Variants in GPR153 observed in about 807,000 individuals in gnomAD.
GPR153 encodes the protein probable G protein-coupled receptor 153.
In GPR153, 27 loss-of-function variants were observed where a neutral mutation model predicts 34.1. The observed-to-expected ratio is 0.79, with a 90% CI of 0.58 to 1.09. The LOEUF is 1.09. GPR153 is among the 50% of genes least tolerant of loss of function. GPR153 has a pLI of 0.00. For missense variants in GPR153, 848 were observed against 860.2 expected (o/e 0.99, Z 0.18); for synonymous variants, 408 against 405.4 (o/e 1.01, Z -0.08).
chr1:6,254,684 G>A lies in GPR153; in HGVS notation c.222C>T (p.Pro74=), dbSNP rs1296615506. ...YSVVQLRRQR[P]DFEWNEGLCK... is the part of the protein sequence containing the mutation. Reference sequence around the variant, plus strand: ...AGAGACCCTCATTCCACTCGAAGTCGGGGCGCTGCCGCCGCAGCTGCACCA... The same window carrying A: ...AGAGACCCTCATTCCACTCGAAGTCAGGGCGCTGCCGCCGCAGCTGCACCA... Residue 74 remains proline (P), a synonymous_variant, in exon 2 of 6, where the codon CCC becomes CCT. Transcript: ENST00000377893. 1.5e-5 allele frequency: 25 copies of A among 1,613,816 alleles called. No homozygotes were observed. Among genetic ancestry groups the A allele is most frequent in the Middle Eastern group, 3.3e-4 (2 of 6,082 alleles).
intron 1 of GPR153, among the ~76,000 whole-genome samples, chr1:6,256,855 C>T (rs1638578505): frequency 6.6e-6 from 1 of 152,212 alleles, no homozygotes; most frequent in Non-Finnish European, 1.5e-5. Context: ...TGTGTTACAA[C>T]AGCACAAATG....
chr1:6,255,064 C>T (rs959744389), intron 1 of GPR153, 50 bp from the exon 2 acceptor site: 5 of 542,794 alleles, frequency 9.2e-6, no homozygotes, highest in Admixed American at 7.1e-5. Context: ...CTGGCGACAG[C>T]GTTGTAGCCC....
chr1:6,253,826 C>T lies in GPR153; in HGVS notation c.678G>A (p.Arg226=). 1 of 1,594,342 alleles carries T rather than the reference C, an allele frequency of 6.3e-7. No individual in the cohort carries two copies. The highest frequency in any genetic ancestry group is 8.6e-7 in the Non-Finnish European group (1 of 1,167,660). Residue 226 remains arginine (R), a synonymous_variant, in exon 3 of 6, where the codon CGG becomes CGA. Coordinates refer to ENST00000377893, the MANE Select transcript of GPR153 (RefSeq NM_207370.4). The part of the protein sequence containing the change: ...TIVVEDAQGK[R]RSSIDGSEPA... ...GCTCCGAGCCATCGATGGAGGAGCG[C>T]CGCTTGCCCTGCGCGTCCTCCACCA...
intron 2 of GPR153, 147 bp from the exon 3 acceptor site, chr1:6,254,294 C>A: frequency 1.3e-6 from 1 of 762,382 alleles, no homozygotes; most frequent in Non-Finnish European, 2.1e-6. Flanking sequence ...GTGGCAGGGC[C>A]TTGTTCCTTG....
In GPR153 at chr1:6,254,793, T is replaced by G. The variant is rs750393975; in HGVS notation, c.113A>C (p.Lys38Thr). 8 of 1,613,448 alleles carry G rather than the reference T, an allele frequency of 5.0e-6. No homozygotes were observed. Among genetic ancestry groups the G allele is most frequent in the Non-Finnish European group, 5.1e-6 (6 of 1,179,832 alleles). Residue 38 changes from lysine (K) to threonine (T), a missense_variant, in exon 2 of 6, where the codon AAG becomes ACG. Lys to Thr is a moderately conservative substitution (Grantham distance 78). Coordinates refer to ENST00000377893, the MANE Select transcript of GPR153 (RefSeq NM_207370.4). ...GILSVGAKQKKWKPLEFLLCT... is the reference protein window; with the variant it reads ...GILSVGAKQKTWKPLEFLLCT... Reference sequence around the variant, plus strand: ...CAGCAGGAACTCCAAGGGCTTCCACTTCTTCTGCTTGGCGCCAACGCTGAG... The same window carrying G: ...CAGCAGGAACTCCAAGGGCTTCCACGTCTTCTGCTTGGCGCCAACGCTGAG...
chr1:6,249,275 T>C lies in GPR153; in HGVS notation c.*63A>G. The C allele has an allele frequency of 1.7e-6, 2 of 1,161,628 alleles. No individual in the cohort carries two copies. The highest frequency in any genetic ancestry group is 2.2e-6 in the Non-Finnish European group (2 of 922,356). 72.0% of individuals were successfully genotyped at this position (1,161,628 alleles called of 1,614,324 possible). A position where few individuals can be genotyped will look rare whatever the true frequency, so the allele number is the denominator to read the frequency against. On this transcript the variant is annotated 3_prime_UTR_variant, in exon 6 of 6. Transcript: ENST00000377893. This position sits in a 1 kb window ranked among gnomAD's most constrained non-coding sequence, Gnocchi z 4.3. ...CGCGCGGGGCGGAGGCGGGCGTCTT[T>C]GGTGCTGCGGCCCCGGAGAGCGGCC...
chr1:6,250,019 T>C lies in GPR153; in HGVS notation c.1165-16A>G. The C allele has an allele frequency of 8.0e-7, 1 of 1,256,458 alleles. No homozygotes were observed. Among genetic ancestry groups the C allele is most frequent in the South Asian group, 3.7e-5 (1 of 26,976 alleles). The allele number at this position is 1,256,458 out of a possible 1,614,324, so 77.8% of individuals were successfully genotyped here. On this transcript the variant is annotated splice_polypyrimidine_tract_variant and intron_variant, in intron 5 of 5. Transcript: ENST00000377893. ...TGGGCGGGACCTGTCAGGACGCGGC[T>C]GGCTTTTACCCCGAGCTGCCCTCCT...
rs1638379468 is a variant in GPR153 at position 6,249,397 on chromosome 1, G to C, written c.1771C>G (p.Pro591Ala). The change falls in exon 6 of 6, where the codon CCC (proline) becomes GCC (alanine). Residue 591 changes from proline (P) to alanine (A), a missense_variant. Physicochemically the swap from Pro to Ala is conservative, Grantham distance 27. Coordinates refer to ENST00000377893, the MANE Select transcript of GPR153 (RefSeq NM_207370.4). The surrounding 1 kb of genome is among the most constrained non-coding windows in gnomAD (Gnocchi z 4.3). Reference sequence around the variant, plus strand: ...GTGGCGTAGCCCGAGGACTCGGAGGGGGAACTCAGGAAGCTGCTGGTGCTG... The same window carrying C: ...GTGGCGTAGCCCGAGGACTCGGAGGCGGAACTCAGGAAGCTGCTGGTGCTG... ...GGSTSSFLSS[P>A]SESSGYATLH... 8.0e-6 allele frequency: 11 copies of C among 1,380,342 alleles called. No individual in the cohort carries two copies. Among genetic ancestry groups the C allele is most frequent in the Non-Finnish European group, 1.0e-5 (11 of 1,072,454 alleles). 85.5% of individuals were successfully genotyped at this position (1,380,342 alleles called of 1,614,324 possible).
intron 5 of GPR153, 168 bp downstream of exon 5, chr1:6,250,272 G>A: frequency 3.0e-6 from 3 of 985,422 alleles, no homozygotes; most frequent in Non-Finnish European, 2.4e-6. Flanking sequence ...TGGCGGTTGG[G>A]GCCCACCCAC....
Position 6,249,601 on chromosome 1 carries a change from G to C in GPR153, c.1567C>G (p.Pro523Ala). ...QALRRPPGPF[P>A]AAPAAPDGAD... ...CCGTCGGGGGCGGCGGGCGCAGCGG[G>C]GAAGGGCCCGGGCGGGCGGCGCAGG... The change falls in exon 6 of 6, where the codon CCC (proline) becomes GCC (alanine). Residue 523 changes from proline to alanine, a missense_variant. Pro to Ala is a conservative substitution (Grantham distance 27, BLOSUM62 -1). Transcript: ENST00000377893. The surrounding 1 kb of genome is among the most constrained non-coding windows in gnomAD (Gnocchi z 4.3). 1 of 1,145,892 alleles carries C rather than the reference G, an allele frequency of 8.7e-7. No homozygotes were observed. The highest frequency in any genetic ancestry group is 1.1e-6 in the Non-Finnish European group (1 of 933,572). 71.0% of individuals were successfully genotyped at this position (1,145,892 alleles called of 1,614,324 possible).
rs1223320151 is a variant in GPR153 at position 6,249,866 on chromosome 1, C to T, written c.1302G>A (p.Glu434=). The stretch of plus-strand genomic sequence containing the variant: ...AGGCCAGGAGGCTGGCGCGGCGCCG[C>T]TCGGGCCCGGCAGGCAGCACCAGGT... ...LAHLVLPAGP[E]RRRASLLAFA... Residue 434 remains glutamate (E), a synonymous_variant, in exon 6 of 6, where the codon GAG becomes GAA. Coordinates refer to ENST00000377893, the MANE Select transcript of GPR153 (RefSeq NM_207370.4). The surrounding 1 kb of genome is among the most constrained non-coding windows in gnomAD (Gnocchi z 4.3). The T allele has an allele frequency of 3.9e-6, 5 of 1,275,000 alleles. No homozygotes were observed. The highest frequency in any genetic ancestry group is 4.1e-5 in the Admixed American group (1 of 24,248). The allele number at this position is 1,275,000 out of a possible 1,614,324, so 79.0% of individuals were successfully genotyped here.
chr1:6,260,194 G>C (rs189918433), intron 1 of GPR153, among the ~76,000 whole-genome samples: 1 of 152,238 alleles, frequency 6.6e-6, no homozygotes, highest in African/African-American at 2.4e-5. Context: ...AGGATTCCCC[G>C]GGCTCTGGCT....
intron 3 of GPR153, among the ~76,000 whole-genome samples, chr1:6,252,367 G>C (rs556189266): frequency 6.6e-6 from 1 of 152,288 alleles, no homozygotes; most frequent in South Asian, 2.1e-4. Context: ...CCGTCCGTAA[G>C]AGACGCAGGG....
rs148280916 is a variant in GPR153, at chr1:6,254,120, C to T, written c.384G>A (p.Val128=). 6.6e-5 allele frequency: 107 copies of T among 1,611,544 alleles called. No individual in the cohort carries two copies. The highest frequency in any genetic ancestry group is 8.3e-5 in the Non-Finnish European group (98 of 1,178,326). Residue 128 remains valine (V), a synonymous_variant, in exon 3 of 6, where the codon GTG becomes GTA. Transcript: ENST00000377893. ...CCATCCAGATACCCATGACTGTGTGCACCGCCTGCTTCTTGGCATTGCTCA... is the reference window on the plus strand; with the variant it reads ...CCATCCAGATACCCATGACTGTGTGTACCGCCTGCTTCTTGGCATTGCTCA... ...YRLSNAKKQA[V]HTVMGIWMVS... is the part of the protein sequence containing the mutation.
Position 6,251,239 on chromosome 1 carries a change from A to G in GPR153, c.979+99T>C. On this transcript the variant is annotated intron_variant, in intron 4 of 5. Coordinates refer to ENST00000377893, the MANE Select transcript of GPR153 (RefSeq NM_207370.4). This position sits in a 1 kb window ranked among gnomAD's most constrained non-coding sequence, Gnocchi z 4.9. ...GTGTCTGGTGGTTGAGAATGAAGTC[A>G]CCTCCTTAGTGGCGTTGCCTGACAG... 1.1e-6 allele frequency: 1 copy of G among 909,698 alleles called. No homozygotes were observed. The highest frequency in any genetic ancestry group is 1.7e-6 in the Non-Finnish European group (1 of 586,538). The allele number at this position is 909,698 out of a possible 1,614,324, so 56.4% of individuals were successfully genotyped here.
chr1:6,249,615 G>C lies in GPR153; in HGVS notation c.1553C>G (p.Pro518Arg). 8.9e-7 allele frequency: 1 copy of C among 1,118,098 alleles called. No individual in the cohort carries two copies. Among genetic ancestry groups the C allele is most frequent in the Non-Finnish European group, 1.1e-6 (1 of 916,088 alleles). The allele number at this position is 1,118,098 out of a possible 1,614,324, so 69.3% of individuals were successfully genotyped here. A position where few individuals can be genotyped will look rare whatever the true frequency, so the allele number is the denominator to read the frequency against. ...FECEPQALRR[P>R]PGPFPAAPAA... is the part of the protein sequence containing the mutation. ...GGGCGCAGCGGGGAAGGGCCCGGGC[G>C]GGCGGCGCAGGGCCTGTGGCTCGCA... Residue 518 changes from proline (P) to arginine (R), a missense_variant, in exon 6 of 6, where the codon CCG becomes CGG. By Grantham distance (103) the Pro-to-Arg change is moderately radical. Coordinates refer to ENST00000377893, the MANE Select transcript of GPR153 (RefSeq NM_207370.4). The surrounding 1 kb of genome is among the most constrained non-coding windows in gnomAD (Gnocchi z 4.3).
chr1:6,256,942 C>T (rs893044841), intron 1 of GPR153, among the ~76,000 whole-genome samples: 2 of 152,230 alleles, frequency 1.3e-5, no homozygotes, highest in Non-Finnish European at 1.5e-5. Flanking sequence ...CTCCTCTCCA[C>T]GCCCCGGGAG....
In GPR153 at chr1:6,254,699, C is replaced by T. The variant is rs1188276704; in HGVS notation, c.207G>A (p.Leu69=). ...VPIATYSVVQ[L]RRQRPDFEWN... ...ACTCGAAGTCGGGGCGCTGCCGCCG[C>T]AGCTGCACCACGGAGTAGGTGGCGA... The change falls in exon 2 of 6, where the codon CTG becomes CTA. Residue 69 remains leucine, a synonymous_variant. Coordinates refer to ENST00000377893, the MANE Select transcript of GPR153 (RefSeq NM_207370.4). 1 of 1,613,930 alleles carries T rather than the reference C, an allele frequency of 6.2e-7. No homozygotes were observed. The highest frequency in any genetic ancestry group is 8.5e-7 in the Non-Finnish European group (1 of 1,179,946).
chr1:6,260,357 CAACCCCCTGGGGCTCCGAT>C (rs1638644315), intron 1 of GPR153, among the ~76,000 whole-genome samples: 1 of 135,692 alleles, frequency 7.4e-6, no homozygotes, highest in Non-Finnish European at 1.6e-5. Flanking sequence ...CCTACAGTCC[CAACCCCCTGGGGCTCCGAT>C]CCCCCCCCCC....
Sources: allele counts gnomAD v4.1 joint callset (sites outside exome capture counted in the v4.1 genomes callset), GRCh38; gene constraint gnomAD v4.1.1; non-coding constraint Gnocchi (gnomAD v3.1); transcripts MANE v1.5; gene names NCBI Gene and HGNC (gene_info 2026-07-23, HGNC 2026-07-21).